EIPR1: variants seen among roughly 807,000 people sequenced by gnomAD.
EIPR1 encodes EARP and GARP complex-interacting protein 1.
A neutral mutation model predicts 48.1 loss-of-function variants in EIPR1; 25 were observed. The observed-to-expected ratio is 0.52, with a 90% confidence interval of 0.38 to 0.73. EIPR1 has a LOEUF of 0.73. EIPR1 is among the 30% of genes least tolerant of loss of function. The pLI is 0.00. For synonymous variants in EIPR1, 204 were observed against 201.9 expected (o/e 1.01, Z -0.09); for missense variants, 415 against 506.2 (o/e 0.82, Z 1.73).
chr2:3,313,720 A>G (rs545255589), intron 3 of EIPR1, among the ~76,000 whole-genome samples: 1 of 152,318 alleles, frequency 6.6e-6, no homozygotes, highest in Admixed American at 6.5e-5. Context: ...TGAGATGCAC[A>G]GTAAGTGTTT....
chr2:3,201,894 CAGTT>C (rs781727897), intron 5 of EIPR1, among the ~76,000 whole-genome samples: 3 of 152,206 alleles, frequency 2.0e-5, no homozygotes, highest in African/African-American at 4.8e-5. Context: ...TGGCAACTTA[CAGTT>C]AGTTAGGTTC....
intron 5 of EIPR1, among the ~76,000 whole-genome samples, chr2:3,203,448 C>T (rs941794906): frequency 1.3e-5 from 2 of 152,238 alleles, no homozygotes; most frequent in Admixed American, 6.5e-5. Context: ...AGGGGAACCA[C>T]GTGCCGGTAG....
chr2:3,369,988 C>CG (rs969466883), intron 1 of EIPR1, among the ~76,000 whole-genome samples: 10 of 152,184 alleles, frequency 6.6e-5, no homozygotes, highest in African/African-American at 2.4e-4. Context: ...AGGCACCCCC[C>CG]CCGTAGGGGC....
intron 3 of EIPR1, among the ~76,000 whole-genome samples, chr2:3,316,438 A>G: frequency 6.6e-6 from 1 of 152,158 alleles, no homozygotes; most frequent in East Asian, 1.9e-4. Context: ...TAATGCCTGA[A>G]ATAGACCTTG....
chr2:3,306,788 G>A (rs923912145), intron 3 of EIPR1, among the ~76,000 whole-genome samples: 10 of 152,012 alleles, frequency 6.6e-5, no homozygotes, highest in Non-Finnish European at 1.3e-4. Flanking sequence ...CTGCCTCAGG[G>A]GCAGCAGAGG....
At chr2:3,363,505 G>A (rs187963310) in intron 1 of EIPR1, among the ~76,000 whole-genome samples, 14 of 152,228 alleles carry the variant, frequency 9.2e-5, no homozygotes, top group Admixed American at 8.5e-4. Context: ...GGACCAGCCT[G>A]GGCAACAAGG....
chr2:3,327,166 G>T (rs777885924), intron 3 of EIPR1, among the ~76,000 whole-genome samples: 3 of 152,192 alleles, frequency 2.0e-5, no homozygotes, highest in Non-Finnish European at 2.9e-5. Context: ...CGGTGGATAT[G>T]CCATAGATGT....
intron 3 of EIPR1, among the ~76,000 whole-genome samples, chr2:3,318,007 G>A (rs1421733174): frequency 2.0e-5 from 3 of 152,208 alleles, no homozygotes; most frequent in Non-Finnish European, 4.4e-5. Context: ...CCTGCCTAAC[G>A]GGATGCACAG....
intron 3 of EIPR1, among the ~76,000 whole-genome samples, chr2:3,269,421 AATC>A (rs1418220634): frequency 1.4e-5 from 1 of 72,126 alleles, no homozygotes; most frequent in East Asian, 4.4e-4. Context: ...CATCGCACTC[AATC>A]ATCACACTCA....
intron 3 of EIPR1, chr2:3,319,941 G>C (rs1157069151): frequency 5.6e-6 from 1 of 179,494 alleles, no homozygotes; most frequent in East Asian, 2.0e-4. Flanking sequence ...CTGCACCTGC[G>C]GGCAACACCA....
At chr2:3,208,688 C>T in intron 5 of EIPR1, 1 of 1,550,458 alleles carries the variant, frequency 6.4e-7, no homozygotes, top group Non-Finnish European at 8.7e-7. Flanking sequence ...ACCCCAATTC[C>T]CCCAGGAAAC....
intron 3 of EIPR1, among the ~76,000 whole-genome samples, chr2:3,279,373 C>G (rs368913082): frequency 2.0e-5 from 3 of 152,140 alleles, no homozygotes; most frequent in African/African-American, 7.2e-5. Flanking sequence ...GGGAAGAGGT[C>G]GGAATAGTCT....
intron 4 of EIPR1, among the ~76,000 whole-genome samples, chr2:3,225,222 ATGTGTG>A (rs61557621): frequency 0.01 from 1,427 of 137,000 alleles, 17 homozygotes; most frequent in East Asian, 0.015. Flanking sequence ...ACACTGTGAT[ATGTGTG>A]TGTGTGTGTG....
chr2:3,212,764 TAAAAG>T (rs1665501569), intron 5 of EIPR1, among the ~76,000 whole-genome samples: 1 of 152,208 alleles, frequency 6.6e-6, no homozygotes, highest in African/African-American at 2.4e-5. Context: ...TGTTTTATCT[TAAAAG>T]TTTGTGTGAA....
chr2:3,219,353 C>CAGTG (rs1665781193), intron 4 of EIPR1, among the ~76,000 whole-genome samples: 1 of 149,550 alleles, frequency 6.7e-6, no homozygotes, highest in Admixed American at 6.7e-5. Context: ...AGAGCATTCA[C>CAGTG]AGTGACTCAG....
chr2:3,269,111 T>G (rs1236192842), intron 3 of EIPR1, among the ~76,000 whole-genome samples: 2 of 152,242 alleles, frequency 1.3e-5, no homozygotes, highest in Non-Finnish European at 2.9e-5. Context: ...CATGTGGGCA[T>G]GCTGTACACT....
chr2:3,199,820 T>A lies in EIPR1; in HGVS notation c.517-2803A>T, dbSNP rs1455562351. On this transcript the variant is annotated intron_variant, in intron 5 of 8. Coordinates refer to ENST00000382125, the MANE Select transcript of EIPR1 (RefSeq NM_003310.5). Reference sequence around the variant, plus strand: ...GGGCACGCATGGGGGGGTGTCCACATCTGGGCAGAGGTGACGGGGTGTGTC... The same window carrying A: ...GGGCACGCATGGGGGGGTGTCCACAACTGGGCAGAGGTGACGGGGTGTGTC... 1.1e-4 allele frequency among the ~76,000 whole-genome samples: 14 copies of A among 126,578 alleles called. 1 individual carries two copies. The highest frequency in any genetic ancestry group is 4.3e-4 in the African/African-American group (14 of 32,740). 83.0% of individuals were successfully genotyped at this position (126,578 alleles called of 152,430 possible). A position where few individuals can be genotyped will look rare whatever the true frequency, so the allele number is the denominator to read the frequency against.
chr2:3,215,349 G>C (rs975701783), intron 4 of EIPR1, among the ~76,000 whole-genome samples: 21 of 152,212 alleles, frequency 1.4e-4, no homozygotes, highest in Admixed American at 1.1e-3. Flanking sequence ...TGGGAGGACA[G>C]AGCTTAGAGC....
chr2:3,202,240 G>T (rs1453227391), intron 5 of EIPR1, among the ~76,000 whole-genome samples: 1 of 152,194 alleles, frequency 6.6e-6, no homozygotes, highest in Non-Finnish European at 1.5e-5. Context: ...CCCGGCCTAG[G>T]TTCAATGTCT....
Sources: gnomAD v4.1 joint callset for allele counts (sites outside exome capture counted in the v4.1 genomes callset) on GRCh38, gnomAD v4.1.1 for gene constraint, MANE v1.5 for transcripts, NCBI Gene and HGNC (gene_info 2026-07-23, HGNC 2026-07-21) for gene names.